The following COX10 variants were observed in gnomAD, a reference collection of about 807,000 sequenced individuals.
COX10 encodes protoheme IX farnesyltransferase, mitochondrial.
A neutral mutation model predicts 37.3 loss-of-function variants in COX10; 27 were observed. The ratio of observed to expected loss-of-function variants is 0.72; its 90% CI spans 0.53 to 1.00. The LOEUF (loss-of-function observed/expected upper bound fraction) is 1.00, where lower values mean the gene tolerates loss of function less well. COX10 is among the 50% of genes least tolerant of loss of function. COX10 has a pLI of 0.00. For missense variants in COX10, 475 were observed against 563.2 expected, an observed-to-expected ratio of 0.84 and a Z score of 1.59; for synonymous variants, 222 against 229.1, an observed-to-expected ratio of 0.97 and a Z score of 0.28.
intron 4 of COX10, among the ~76,000 whole-genome samples, chr17:14,112,240 A>C (rs1006702177): frequency 6.6e-6 from 1 of 152,144 alleles, no homozygotes; most frequent in Non-Finnish European, 1.5e-5. Context: ...TAAGACTTTA[A>C]TACCTTCAAA....
At chr17:14,100,870 C>T (rs1915761499) in intron 3 of COX10, among the ~76,000 whole-genome samples, 1 of 152,096 alleles carries the variant, frequency 6.6e-6, no homozygotes. Context: ...TTCTCAAGCT[C>T]AGCACTACTG....
At chr17:14,114,479 G>C (rs1916068623) in intron 4 of COX10, among the ~76,000 whole-genome samples, 1 of 152,010 alleles carries the variant, frequency 6.6e-6, no homozygotes, top group Non-Finnish European at 1.5e-5. Flanking sequence ...TGTCAGTATA[G>C]GTTAGTATAA....
intron 4 of COX10, among the ~76,000 whole-genome samples, chr17:14,130,859 A>C (rs879626354): frequency 1.3e-5 from 2 of 152,000 alleles, no homozygotes; most frequent in Non-Finnish European, 2.9e-5. Context: ...CATCTCCTGT[A>C]GAGCCCTTTC....
At chr17:14,156,604 T>G (rs1252507573) in intron 4 of COX10, among the ~76,000 whole-genome samples, 2 of 152,168 alleles carry the variant, frequency 1.3e-5, no homozygotes, top group Non-Finnish European at 2.9e-5. Context: ...GAACTTCTGC[T>G]AGGTACTCCA....
At chr17:14,120,630 G>A (rs553018286) in intron 4 of COX10, among the ~76,000 whole-genome samples, 3 of 152,260 alleles carry the variant, frequency 2.0e-5, no homozygotes, top group South Asian at 4.1e-4. Context: ...TAGGCCCACA[G>A]TGAGACAGAA....
intron 5 of COX10, among the ~76,000 whole-genome samples, chr17:14,175,312 G>C (rs1229988492): frequency 6.6e-6 from 1 of 151,530 alleles, no homozygotes; most frequent in Non-Finnish European, 1.5e-5. Flanking sequence ...GTTTTTCCTT[G>C]GGGAATAGAA....
chr17:14,149,985 T>G (rs765042936), intron 4 of COX10, among the ~76,000 whole-genome samples: 1 of 151,952 alleles, frequency 6.6e-6, no homozygotes, highest in Non-Finnish European at 1.5e-5. Context: ...AAGGAAAAGT[T>G]TACGGCCGGG....
intron 6 of COX10, among the ~76,000 whole-genome samples, chr17:14,204,262 C>T (rs3826366): frequency 0.71 from 107,086 of 151,640 alleles, 38,571 homozygotes; most frequent in Non-Finnish European, 0.79. Context: ...TTATCACAGA[C>T]GACACCCACA....
chr17:14,185,654 C>T (rs1906002608), intron 5 of COX10, among the ~76,000 whole-genome samples: 1 of 151,850 alleles, frequency 6.6e-6, no homozygotes, highest in Non-Finnish European at 1.5e-5. Flanking sequence ...TGCTTGTCCT[C>T]TTTCTACTTA....
chr17:14,192,948 G>A (rs981878131), intron 6 of COX10, among the ~76,000 whole-genome samples: 18 of 151,926 alleles, frequency 1.2e-4, no homozygotes, highest in East Asian at 1.9e-4. Context: ...ACCATAAACC[G>A]TTACCCTGTA....
intron 3 of COX10, among the ~76,000 whole-genome samples, chr17:14,078,071 A>G (rs1318048667): frequency 1.3e-5 from 2 of 152,098 alleles, no homozygotes; most frequent in African/African-American, 4.8e-5. Context: ...GCTTTGGTGA[A>G]GGAGCTAAAA....
intron 6 of COX10, among the ~76,000 whole-genome samples, chr17:14,204,424 G>A (rs747088638): frequency 3.6e-4 from 54 of 151,752 alleles, no homozygotes; most frequent in Non-Finnish European, 5.0e-4. Flanking sequence ...ATAAGCCCAG[G>A]ATCCATAAGC....
At chr17:14,085,844 A>G (rs1915396994) in intron 3 of COX10, among the ~76,000 whole-genome samples, 2 of 152,196 alleles carry the variant, frequency 1.3e-5, no homozygotes, top group Admixed American at 1.3e-4. Flanking sequence ...ACCTCACCAT[A>G]TCTTCACCAA....
At chr17:14,160,171 C>T (rs1011534039) in intron 5 of COX10, among the ~76,000 whole-genome samples, 3 of 151,938 alleles carry the variant, frequency 2.0e-5, no homozygotes, top group Non-Finnish European at 4.4e-5. Flanking sequence ...ATGGTAGTAA[C>T]TTATGTGATA....
intron 3 of COX10, among the ~76,000 whole-genome samples, chr17:14,094,538 G>C (rs1915601792): frequency 6.8e-6 from 1 of 147,942 alleles, no homozygotes; most frequent in South Asian, 2.1e-4. Flanking sequence ...ACACTGAAGT[G>C]CTTTGCAAAT....
intron 5 of COX10, among the ~76,000 whole-genome samples, chr17:14,183,333 C>T (rs1479277695): frequency 6.6e-6 from 1 of 151,900 alleles, no homozygotes; most frequent in Non-Finnish European, 1.5e-5. Context: ...TTTCTGACCA[C>T]CCCCATCAAA....
chr17:14,094,512 G>A (rs1915601195), intron 3 of COX10, among the ~76,000 whole-genome samples: 2 of 152,014 alleles, frequency 1.3e-5, no homozygotes, highest in African/African-American at 4.8e-5. Flanking sequence ...TTTAATAAAT[G>A]TAAAAGCATT....
chr17:14,103,953 G>A (rs1401431506), intron 4 of COX10, among the ~76,000 whole-genome samples: 1 of 152,134 alleles, frequency 6.6e-6, no homozygotes, highest in Non-Finnish European at 1.5e-5. Flanking sequence ...AAGGTGCAGT[G>A]TCTGCCTCTT....
rs188803165 is a variant in COX10, at chr17:14,069,517, G to A, written c.-89G>A. On this transcript the variant is annotated 5_prime_UTR_variant, in exon 1 of 7. Coordinates refer to ENST00000261643, the MANE Select transcript of COX10 (RefSeq NM_001303.4). ...TGGCGGCCCGGAACTACTCCCACAG[G>A]GGGGCGGGGAAGGAAGATGGCGGCG... The A allele has an allele frequency of 4.6e-6, 7 of 1,517,274 alleles. No individual in the cohort carries two copies. Among genetic ancestry groups the A allele is most frequent in the Admixed American group, 1.7e-5 (1 of 57,816 alleles). 94.0% of individuals were successfully genotyped at this position (1,517,274 alleles called of 1,614,324 possible). A position where few individuals can be genotyped will look rare whatever the true frequency, so the allele number is the denominator to read the frequency against.
Sources: allele counts gnomAD v4.1 joint callset (sites outside exome capture counted in the v4.1 genomes callset), GRCh38; gene constraint gnomAD v4.1.1; transcripts MANE v1.5; gene names NCBI Gene and HGNC (gene_info 2026-07-23, HGNC 2026-07-21).